PMPCA: variants seen among roughly 807,000 people sequenced by gnomAD.
PMPCA encodes peptidase, mitochondrial processing subunit alpha, also known as mitochondrial-processing peptidase subunit alpha.
In PMPCA, 47 loss-of-function variants were observed where a neutral mutation model predicts 59.3. That is an observed-to-expected ratio of 0.79 (90% CI 0.63 to 1.01). PMPCA has a LOEUF of 1.01. Ranked by LOEUF, PMPCA falls within the 50% of genes least tolerant of loss-of-function variation. The pLI is 0.00. For synonymous variants in PMPCA, 338 were observed against 290.3 expected, an observed-to-expected ratio of 1.16 and a Z score of -1.67; for missense variants, 726 against 704.5, an observed-to-expected ratio of 1.03 and a Z score of -0.34.
chr9:136,417,287 G>T, intron 7 of PMPCA, 73 bp downstream of exon 7: 2 of 1,315,248 alleles, frequency 1.5e-6, no homozygotes, highest in South Asian at 1.4e-5. Context: ...ACCTGTTTTT[G>T]TATTGATTCT....
At chr9:136,421,404 G>GTTTTTTTT (rs57128281) in intron 11 of PMPCA, among the ~76,000 whole-genome samples, 10 of 117,994 alleles carry the variant, frequency 8.5e-5, no homozygotes, top group African/African-American at 1.3e-4. Flanking sequence ...CTGGGTTCCC[G>GTTTTTTTT]TTTTTTTTTT....
intron 5 of PMPCA, among the ~76,000 whole-genome samples, chr9:136,415,612 G>C (rs1323541191): frequency 2.0e-5 from 3 of 152,214 alleles, no homozygotes; most frequent in Non-Finnish European, 4.4e-5. Context: ...ACTGATGAAA[G>C]GCGCCCTTGA....
rs779522057 is a variant in PMPCA, at chr9:136,414,576, C to T, written c.461C>T (p.Ser154Phe). ...TSRDTTMYAV[S>F]ADSKGLDTVV... is the part of the protein sequence containing the mutation. ...AGAGACACCACCATGTATGCTGTGT[C>T]TGCTGATAGCAAAGGCTTGGACACG... The change falls in exon 5 of 13, where the codon TCT (serine) becomes TTT (phenylalanine). Residue 154 changes from serine to phenylalanine, a missense_variant. Coordinates refer to ENST00000371717, the MANE Select transcript of PMPCA (RefSeq NM_015160.3). 2 of 1,612,526 alleles carry T rather than the reference C, an allele frequency of 1.2e-6. No individual in the cohort carries two copies. The highest frequency in any genetic ancestry group is 1.7e-6 in the Non-Finnish European group (2 of 1,178,536).
Position 136,423,315 on chromosome 9 carries a change from C to A in PMPCA, c.*51C>A. On this transcript the variant is annotated 3_prime_UTR_variant, in exon 13 of 13. Coordinates refer to ENST00000371717, the MANE Select transcript of PMPCA (RefSeq NM_015160.3). ...AGGGAGCTGCAGCTGGAGCCCGTTC[C>A]CGTGCGTGTTAGTTTGGACACGAAT... 1 of 1,561,372 alleles carries A rather than the reference C, an allele frequency of 6.4e-7. No homozygotes were observed. Among genetic ancestry groups the A allele is most frequent in the Non-Finnish European group, 8.7e-7 (1 of 1,147,416 alleles).
At chr9:136,419,169 T>C (rs1456562628) in intron 11 of PMPCA, 63 bp downstream of exon 11, 5 of 1,411,322 alleles carry the variant, frequency 3.5e-6, no homozygotes, top group Admixed American at 1.7e-5. Context: ...ACAGCCACGT[T>C]GTAGGAGTGG....
chr9:136,421,432 CAG>C (rs1274428747), intron 11 of PMPCA, among the ~76,000 whole-genome samples: 1 of 96,714 alleles, frequency 1.0e-5, no homozygotes, highest in Admixed American at 1.3e-4. Flanking sequence ...TTTTTTGAGA[CAG>C]AGTCTTGCTC....
At position 136,422,247 on chromosome 9, in the gene PMPCA, C is replaced by G. The variant is rs1458463560; in HGVS notation, c.1408+271C>G. 4 of 1,385,272 alleles carry G rather than the reference C, an allele frequency of 2.9e-6. No individual in the cohort carries two copies. The South Asian group carries it at 5.7e-5, about 20-fold the overall frequency. The allele number at this position is 1,385,272 out of a possible 1,614,324, so 85.8% of individuals were successfully genotyped here. A position where few individuals can be genotyped will look rare whatever the true frequency, so the allele number is the denominator to read the frequency against. On this transcript the variant is annotated intron_variant, in intron 12 of 12. Transcript: ENST00000371717. The stretch of plus-strand genomic sequence containing the variant: ...CCCCTGGGAGGGGCTGTCACTACTG[C>G]CCAGAGTTGTTAAAGAGCACTCAAG...
In PMPCA at chr9:136,414,609, C is replaced by T. The variant is rs964477963; in HGVS notation, c.494C>T (p.Ala165Val). The change falls in exon 5 of 13, where the codon GCC becomes GTC. Residue 165 changes from alanine to valine, a missense_variant. Ala to Val is a moderately conservative substitution (Grantham distance 64). Transcript: ENST00000371717. ...ADSKGLDTVV[A>V]LLADVVLQPR... ...AGCAAAGGCTTGGACACGGTGGTTG[C>T]CTTACTGGCTGATGTGGTTCTGCAG... 2.5e-6 allele frequency: 4 copies of T among 1,613,522 alleles called. No homozygotes were observed. Among genetic ancestry groups the T allele is most frequent in the Non-Finnish European group, 3.4e-6 (4 of 1,179,450 alleles).
rs769208852 is a variant in PMPCA, at chr9:136,410,665, C to G, written c.-4C>G. On this transcript the variant is annotated 5_prime_UTR_variant, in exon 1 of 13. Coordinates refer to ENST00000371717, the MANE Select transcript of PMPCA (RefSeq NM_015160.3). ...TGACGACTGAAGCGGGGCGGAGACG[C>G]AAGATGGCGGCTGTGGTGCTGGCGG... 2 of 1,402,284 alleles carry G rather than the reference C, an allele frequency of 1.4e-6. No individual in the cohort carries two copies. The highest frequency in any genetic ancestry group is 3.8e-4 in the Middle Eastern group (2 of 5,274). The allele number at this position is 1,402,284 out of a possible 1,614,324, so 86.9% of individuals were successfully genotyped here.
At chr9:136,418,743 C>T in intron 9 of PMPCA, 70 bp downstream of exon 9, 1 of 1,496,032 alleles carries the variant, frequency 6.7e-7, no homozygotes. Flanking sequence ...ACCATGAGGC[C>T]ACCTTCCAGG....
chr9:136,418,511 C>A, intron 8 of PMPCA, 44 bp from the exon 9 acceptor site: 1 of 1,216,888 alleles, frequency 8.2e-7, no homozygotes, highest in Non-Finnish European at 1.2e-6. Context: ...GTGCTCCTGA[C>A]GTGGCGTGGG....
chr9:136,423,584 C>T lies in PMPCA; in HGVS notation c.*320C>T. The T allele has an allele frequency of 6.3e-6, 2 of 315,212 alleles. No individual in the cohort carries two copies. Among genetic ancestry groups the T allele is most frequent in the Non-Finnish European group, 1.2e-5 (2 of 164,690 alleles). The allele number at this position is 315,212 out of a possible 1,614,324, so 19.5% of individuals were successfully genotyped here. ...GGGCCCCGCAGGTTCCTTGGAGGAG[C>T]CCTGAGCTGGGAGGCAGCAAAGGCT... On this transcript the variant is annotated 3_prime_UTR_variant, in exon 13 of 13. Transcript: ENST00000371717.
Position 136,418,112 on chromosome 9 carries a change from G to A in PMPCA, c.990+3G>A, listed in dbSNP as rs1374125615. On this transcript the variant is annotated splice_donor_region_variant and intron_variant, in intron 8 of 12. Coordinates refer to ENST00000371717, the MANE Select transcript of PMPCA (RefSeq NM_015160.3). The stretch of plus-strand genomic sequence containing the variant: ...GACTGGAGAGCTGCTCCTTCCTGGT[G>A]AGTCCTGGTGCTGGGTCTGATGGCG... 6.2e-6 allele frequency: 10 copies of A among 1,603,028 alleles called. No individual in the cohort carries two copies. The Admixed American group carries it at 1.7e-4, about 27-fold the overall frequency.
In PMPCA at chr9:136,421,909, G is replaced by A. The variant is rs752575307; in HGVS notation, c.1341G>A (p.Glu447=). ...MNLESRPVIF[E]DVGRQVLATR... The stretch of plus-strand genomic sequence containing the variant: ...TGGAATCCAGGCCTGTGATCTTCGA[G>A]GATGTGGGGAGGCAGGTGCTGGCCA... Residue 447 remains glutamate (E), a synonymous_variant, in exon 12 of 13, where the codon GAG becomes GAA. Coordinates refer to ENST00000371717, the MANE Select transcript of PMPCA (RefSeq NM_015160.3). 1.2e-5 allele frequency: 19 copies of A among 1,612,198 alleles called. No homozygotes were observed. Among genetic ancestry groups the A allele is most frequent in the Non-Finnish European group, 1.6e-5 (19 of 1,179,792 alleles).
intron 2 of PMPCA, 52 bp downstream of exon 2, chr9:136,412,251 G>T (rs767021498): frequency 7.9e-7 from 1 of 1,267,718 alleles, no homozygotes; most frequent in South Asian, 1.2e-5. Flanking sequence ...ACATGCACAT[G>T]CTTTAGTTGA....
At chr9:136,419,877 C>T (rs1436879902) in intron 11 of PMPCA, 3 of 152,158 alleles carry the variant, frequency 2.0e-5, no homozygotes, top group African/African-American at 4.8e-5. Flanking sequence ...TGTGAGCCAC[C>T]ATGCGTCCCT....
chr9:136,419,087 T>A lies in PMPCA; in HGVS notation c.1244T>A (p.Met415Lys), dbSNP rs1396338384. Residue 415 changes from methionine to lysine, a missense_variant, in exon 11 of 13, where the codon ATG becomes AAG. Transcript: ENST00000371717. ...ATCATCACAAAGGAGTTTATTTTAA[T>A]GGGCGGAACCGTGGACACGGTAAGT... ...VEIITKEFIL[M>K]GGTVDTVELE... 6 of 1,613,982 alleles carry A rather than the reference T, an allele frequency of 3.7e-6. No homozygotes were observed. Among genetic ancestry groups the A allele is most frequent in the Non-Finnish European group, 5.1e-6 (6 of 1,179,794 alleles).
At chr9:136,421,306 A>G (rs776396259) in intron 11 of PMPCA, among the ~76,000 whole-genome samples, 32 of 152,082 alleles carry the variant, frequency 2.1e-4, no homozygotes, top group Non-Finnish European at 3.7e-4. Flanking sequence ...CCTGTATTTC[A>G]AGTGTGGTAG....
At chr9:136,410,903 C>T (rs533522885) in intron 1 of PMPCA, among the ~76,000 whole-genome samples, 164 bp downstream of exon 1, 4 of 152,386 alleles carry the variant, frequency 2.6e-5, no homozygotes, top group African/African-American at 9.6e-5. Flanking sequence ...TTGCTTTGCG[C>T]CTCGAGCCCG....
Sources: allele counts gnomAD v4.1 joint callset (sites outside exome capture counted in the v4.1 genomes callset), GRCh38; gene constraint gnomAD v4.1.1; transcripts MANE v1.5; gene names NCBI Gene and HGNC (gene_info 2026-07-23, HGNC 2026-07-21).